The following MAP3K5 variants were observed in gnomAD, a reference collection of about 807,000 sequenced individuals.
MAP3K5 encodes mitogen-activated protein kinase kinase kinase 5, also known as ASK-1.
A neutral mutation model predicts 158.7 loss-of-function variants in MAP3K5; 56 were observed. The ratio of observed to expected loss-of-function variants is 0.35; its 90% CI spans 0.28 to 0.44. MAP3K5 has a LOEUF of 0.44. Among genes scored for constraint, MAP3K5 ranks in the 20% least tolerant of loss-of-function variants. The pLI is 1.00. For missense variants in MAP3K5, 1,294 were observed against 1,674.8 expected (o/e 0.77, Z 3.97); for synonymous variants, 579 against 601.7 (o/e 0.96, Z 0.55).
chr6:136,654,748 T>C (rs1357220052), intron 10 of MAP3K5, among the ~76,000 whole-genome samples: 1 of 152,070 alleles, frequency 6.6e-6, no homozygotes, highest in Non-Finnish European at 1.5e-5. Flanking sequence ...GCCTGGCCTC[T>C]TCTTATTTTA....
intron 1 of MAP3K5, among the ~76,000 whole-genome samples, chr6:136,736,607 A>G (rs935459259): frequency 1.3e-5 from 2 of 152,234 alleles, no homozygotes; most frequent in Admixed American, 1.3e-4. Flanking sequence ...TTCACTGACT[A>G]TAATGAAAGA....
rs753123794 is a variant in MAP3K5 at position 136,558,891 on chromosome 6, GA to G, written c.3988-16del. The stretch of plus-strand genomic sequence containing the variant: ...TCAGCCAAAAACTGTAGAGAAAGTA[GA>G]ATATGCACAAAAGATGTTTTATATA... On this transcript the variant is annotated splice_polypyrimidine_tract_variant and intron_variant, in intron 28 of 29. Coordinates refer to ENST00000359015, the MANE Select transcript of MAP3K5 (RefSeq NM_005923.4). 181 of 1,330,540 alleles carry G rather than the reference GA, an allele frequency of 1.4e-4. 1 individual carries two copies. The African/African-American group carries it at 2.1e-3, about 15-fold the overall frequency. 82.4% of individuals were successfully genotyped at this position (1,330,540 alleles called of 1,614,324 possible).
intron 7 of MAP3K5, 97 bp from the exon 8 acceptor site, chr6:136,669,492 T>A: frequency 1.4e-6 from 1 of 714,042 alleles, no homozygotes; most frequent in Non-Finnish European, 2.5e-6. Flanking sequence ...CCTGAGCAAG[T>A]AAAAATATTG....
intron 23 of MAP3K5, among the ~76,000 whole-genome samples, chr6:136,586,468 A>G (rs1479256773): frequency 2.0e-5 from 3 of 152,224 alleles, no homozygotes; most frequent in African/African-American, 7.2e-5. Flanking sequence ...AGACTATTTC[A>G]TCTACTTACG....
intron 14 of MAP3K5, among the ~76,000 whole-genome samples, chr6:136,627,824 C>T (rs533404132): frequency 3.9e-5 from 6 of 152,308 alleles, no homozygotes; most frequent in Middle Eastern, 6.8e-3. Context: ...GTTATAGCGG[C>T]CTGGATGGAC....
At chr6:136,703,597 AAC>A (rs1780945798) in intron 3 of MAP3K5, among the ~76,000 whole-genome samples, 1 of 152,250 alleles carries the variant, frequency 6.6e-6, no homozygotes, top group African/African-American at 2.4e-5. Flanking sequence ...AGATAAATTA[AAC>A]AGTTTCACAC....
intron 1 of MAP3K5, among the ~76,000 whole-genome samples, chr6:136,758,440 CAA>C (rs1783601502): frequency 6.6e-6 from 1 of 152,234 alleles, no homozygotes; most frequent in Admixed American, 6.5e-5. Flanking sequence ...TTATACCTCT[CAA>C]GAGACATTCT....
At chr6:136,687,379 C>T (rs1780194737) in intron 7 of MAP3K5, among the ~76,000 whole-genome samples, 2 of 152,144 alleles carry the variant, frequency 1.3e-5, no homozygotes, top group South Asian at 4.1e-4. Context: ...GACTTCATGA[C>T]TAAAACACCA....
intron 7 of MAP3K5, among the ~76,000 whole-genome samples, chr6:136,689,049 C>T (rs1403201258): frequency 1.3e-5 from 2 of 152,090 alleles, no homozygotes; most frequent in East Asian, 3.9e-4. Context: ...CCTATAATCC[C>T]ATCATTCTGG....
intron 1 of MAP3K5, among the ~76,000 whole-genome samples, chr6:136,722,436 T>G (rs1781781796): frequency 6.6e-6 from 1 of 152,118 alleles, no homozygotes; most frequent in African/African-American, 2.4e-5. Context: ...ATAAAAACAT[T>G]ACATTAGACA....
At chr6:136,677,002 G>A (rs1214993466) in intron 7 of MAP3K5, among the ~76,000 whole-genome samples, 1 of 150,748 alleles carries the variant, frequency 6.6e-6, no homozygotes, top group African/African-American at 2.4e-5. Flanking sequence ...GTGTTGATCA[G>A]GCTGGTCTCG....
intron 29 of MAP3K5, among the ~76,000 whole-genome samples, chr6:136,558,241 TG>T (rs1830339827): frequency 6.6e-6 from 1 of 151,894 alleles, no homozygotes; most frequent in African/African-American, 2.4e-5. Flanking sequence ...TAGCTGGGCG[TG>T]GTGGTGGGCG....
intron 2 of MAP3K5, among the ~76,000 whole-genome samples, chr6:136,706,033 G>A (rs1781062693): frequency 6.6e-6 from 1 of 152,140 alleles, no homozygotes. Context: ...GGAGGCAGGT[G>A]GATCACCTGA....
At chr6:136,787,586 C>T (rs1784902387) in intron 1 of MAP3K5, among the ~76,000 whole-genome samples, 1 of 152,214 alleles carries the variant, frequency 6.6e-6, no homozygotes, top group African/African-American at 2.4e-5. Flanking sequence ...CTTGAAAATG[C>T]TGTTCTAATG....
chr6:136,585,139 GC>G (rs1775068421), intron 23 of MAP3K5, among the ~76,000 whole-genome samples: 1 of 150,182 alleles, frequency 6.7e-6, no homozygotes, highest in Non-Finnish European at 1.5e-5. Context: ...AAGAGACAGG[GC>G]CTCTCTTTGT....
chr6:136,604,835 T>C (rs1776035948), intron 19 of MAP3K5, among the ~76,000 whole-genome samples: 1 of 152,230 alleles, frequency 6.6e-6, no homozygotes, highest in South Asian at 2.1e-4. Flanking sequence ...TTATTAATTT[T>C]GGTTTAATTC....
intron 7 of MAP3K5, among the ~76,000 whole-genome samples, chr6:136,680,416 C>T (rs943287952): frequency 6.6e-6 from 1 of 152,158 alleles, no homozygotes; most frequent in African/African-American, 2.4e-5. Context: ...TGCTTAACAA[C>T]TTATCTATTT....
At chr6:136,744,025 C>G (rs1015085111) in intron 1 of MAP3K5, among the ~76,000 whole-genome samples, 3 of 152,072 alleles carry the variant, frequency 2.0e-5, no homozygotes, top group Non-Finnish European at 4.4e-5. Context: ...GATGAATAGG[C>G]AGAGAACCAA....
rs1425430259 is a variant in MAP3K5 at position 136,667,987 on chromosome 6, A to C, written c.1366+1296T>G. Among the ~76,000 whole-genome samples, 3 of 152,326 alleles carry C rather than the reference A, an allele frequency of 2.0e-5. No individual in the cohort carries two copies. The East Asian group carries it at 5.8e-4, about 29-fold the overall frequency. On this transcript the variant is annotated intron_variant, in intron 8 of 29. Transcript: ENST00000359015. ...AAATATTCTGACTTTATTTAGCTTC[A>C]GAGATTCTCCAGAACATTACATAAA...
Sources: gnomAD v4.1 joint callset for allele counts (sites outside exome capture counted in the v4.1 genomes callset) on GRCh38, gnomAD v4.1.1 for gene constraint, MANE v1.5 for transcripts, NCBI Gene and HGNC (gene_info 2026-07-23, HGNC 2026-07-21) for gene names.